The following ATP8B4 variants were observed in gnomAD, a reference collection of about 807,000 sequenced individuals.
The protein encoded by ATP8B4 is probable phospholipid-transporting ATPase IM.
Under a neutral mutation model 145.6 loss-of-function variants are expected in ATP8B4, and 133 were observed. The observed-to-expected ratio is 0.91, with a 90% CI of 0.79 to 1.05. The LOEUF (loss-of-function observed/expected upper bound fraction) is 1.05, where lower values mean the gene tolerates loss of function less well. Among genes scored for constraint, ATP8B4 ranks in the 50% least tolerant of loss-of-function variants. The pLI is 0.00. For missense variants in ATP8B4, 1,458 were observed against 1,425.2 expected (o/e 1.02, Z -0.37); for synonymous variants, 507 against 492.9 (o/e 1.03, Z -0.38).
At chr15:50,069,758 GA>G (rs1345533157) in intron 3 of ATP8B4, among the ~76,000 whole-genome samples, 1 of 151,920 alleles carries the variant, frequency 6.6e-6, no homozygotes, top group African/African-American at 2.4e-5. Flanking sequence ...ATGACATCAT[GA>G]AAAAAAATAT....
chr15:49,910,871 C>T (rs891484319), intron 20 of ATP8B4, among the ~76,000 whole-genome samples: 6 of 152,012 alleles, frequency 3.9e-5, no homozygotes, highest in African/African-American at 1.4e-4. Flanking sequence ...GGGAATTCAA[C>T]ACTACTAGAA....
intron 13 of ATP8B4, among the ~76,000 whole-genome samples, chr15:49,971,851 C>A (rs2045168676): frequency 6.6e-6 from 1 of 152,050 alleles, no homozygotes; most frequent in Admixed American, 6.6e-5. Flanking sequence ...ATTCACAATA[C>A]CAAAGACTTG....
intron 16 of ATP8B4, among the ~76,000 whole-genome samples, chr15:49,927,966 C>A (rs2040878322): frequency 6.6e-6 from 1 of 152,080 alleles, no homozygotes; most frequent in Non-Finnish European, 1.5e-5. Flanking sequence ...GACCAAAAAC[C>A]CTACTGTTAC....
chr15:50,156,077 T>TAA (rs1363537257), intron 1 of ATP8B4, among the ~76,000 whole-genome samples: 2 of 23,364 alleles, frequency 8.6e-5, no homozygotes, highest in South Asian at 9.4e-4. Flanking sequence ...TAAATAAATA[T>TAA]ATATATATAT....
At chr15:50,055,997 T>C (rs1237168637) in intron 3 of ATP8B4, among the ~76,000 whole-genome samples, 1 of 152,038 alleles carries the variant, frequency 6.6e-6, no homozygotes, top group African/African-American at 2.4e-5. Flanking sequence ...ATAGGGGCAA[T>C]GGAAAGACGA....
chr15:49,975,698 T>C (rs2045601294), intron 12 of ATP8B4, among the ~76,000 whole-genome samples: 1 of 152,190 alleles, frequency 6.6e-6, no homozygotes, highest in South Asian at 2.1e-4. Context: ...TTTTTTAATG[T>C]TACTTTCATA....
chr15:49,970,821 C>A lies in ATP8B4; in HGVS notation c.1243+1761G>T, dbSNP rs4617797. Reference sequence around the variant, plus strand: ...AAGAGCCCATATAGCCAAGACAATCCTAAGCAAAAAGAACAAAGCTGGAGG... The same window carrying A: ...AAGAGCCCATATAGCCAAGACAATCATAAGCAAAAAGAACAAAGCTGGAGG... On this transcript the variant is annotated intron_variant, in intron 13 of 27. Transcript: ENST00000284509. 4.1e-3 allele frequency among the ~76,000 whole-genome samples: 621 copies of A among 152,236 alleles called. 7 individuals carry two copies. The highest frequency in any genetic ancestry group is 0.01 in the Middle Eastern group (3 of 294).
At chr15:50,134,307 G>C (rs1304946217) in intron 1 of ATP8B4, among the ~76,000 whole-genome samples, 1 of 152,166 alleles carries the variant, frequency 6.6e-6, no homozygotes. Context: ...ACTATGCAAT[G>C]ATCAGCGCTC....
At chr15:49,872,889 A>G (rs900790858) in intron 25 of ATP8B4, among the ~76,000 whole-genome samples, 4 of 152,198 alleles carry the variant, frequency 2.6e-5, no homozygotes, top group Non-Finnish European at 5.9e-5. Flanking sequence ...GTATTATACC[A>G]ATGCTAATTT....
chr15:50,117,149 A>C (rs1567391703), intron 1 of ATP8B4, among the ~76,000 whole-genome samples: 1 of 152,172 alleles, frequency 6.6e-6, no homozygotes, highest in Non-Finnish European at 1.5e-5. Flanking sequence ...CACACGGTTC[A>C]GGCGATTCTC....
intron 2 of ATP8B4, among the ~76,000 whole-genome samples, chr15:50,090,929 G>C (rs984324611): frequency 5.9e-5 from 9 of 152,010 alleles, no homozygotes; most frequent in African/African-American, 2.2e-4. Context: ...CATGTAAAAA[G>C]TAAATTTACA....
chr15:49,862,454 A>T, intron 26 of ATP8B4, 79 bp from the exon 27 acceptor site: 1 of 1,494,686 alleles, frequency 6.7e-7, no homozygotes, highest in Non-Finnish European at 9.0e-7. Flanking sequence ...TTGTTCCTAC[A>T]AGATCTTTTT....
At position 50,038,799 on chromosome 15, in the gene ATP8B4, T is replaced by G. The variant is rs369023249; in HGVS notation, c.331A>C (p.Asn111His). The G allele has an allele frequency of 1.1e-5, 18 of 1,613,656 alleles. No homozygotes were observed. In the Admixed American group the frequency reaches 1.3e-4, roughly 12 times the overall value. ...FRHKSDNQVN[N>H]RQSEVLINSK... ...TTGATGAGCACTTCAGACTGCCGAT[T>G]ATTCACTTGATTATCACTCTTGTGG... is the stretch of plus-strand genomic sequence containing the variant. The change falls in exon 6 of 28, where the codon AAT (asparagine) becomes CAT (histidine). Residue 111 changes from asparagine to histidine, a missense_variant. Physicochemically the swap from Asn to His is moderately conservative, Grantham distance 68 (BLOSUM62 1). Coordinates refer to ENST00000284509, the MANE Select transcript of ATP8B4 (RefSeq NM_024837.4).
At chr15:49,934,772 G>A (rs1042994744) in intron 14 of ATP8B4, among the ~76,000 whole-genome samples, 2 of 151,968 alleles carry the variant, frequency 1.3e-5, no homozygotes, top group Admixed American at 6.6e-5. Flanking sequence ...CAAAGTTTTC[G>A]ATAAGGAACT....
chr15:50,048,505 C>T (rs776424057), intron 3 of ATP8B4, among the ~76,000 whole-genome samples: 7 of 151,772 alleles, frequency 4.6e-5, no homozygotes, highest in East Asian at 1.9e-4. Flanking sequence ...GTCAGGAGTT[C>T]GAGACCAGCC....
At chr15:50,084,657 A>G (rs2054776562) in intron 2 of ATP8B4, among the ~76,000 whole-genome samples, 1 of 152,190 alleles carries the variant, frequency 6.6e-6, no homozygotes, top group Non-Finnish European at 1.5e-5. Flanking sequence ...AGCAGTCTGA[A>G]AAAGGTCTTA....
rs200930425 is a variant in ATP8B4 at position 49,876,267 on chromosome 15, G to A, written c.3027+11C>T. ...CCCATCAAGTTAAGGTGCTTACACC[G>A]ACAGCGTTACCTGCACACTGACCAC... On this transcript the variant is annotated intron_variant, in intron 25 of 27. Coordinates refer to ENST00000284509, the MANE Select transcript of ATP8B4 (RefSeq NM_024837.4). The A allele has an allele frequency of 1.1e-4, 184 of 1,612,080 alleles. No homozygotes were observed. Among genetic ancestry groups the A allele is most frequent in the Non-Finnish European group, 1.4e-4 (163 of 1,178,838 alleles).
intron 6 of ATP8B4, among the ~76,000 whole-genome samples, chr15:50,028,071 C>A (rs993834947): frequency 1.3e-5 from 2 of 152,180 alleles, no homozygotes. Context: ...TTCAGTATCA[C>A]TCTCAATTAT....
intron 3 of ATP8B4, among the ~76,000 whole-genome samples, chr15:50,073,388 A>C (rs553652222): frequency 6.6e-6 from 1 of 152,156 alleles, no homozygotes; most frequent in African/African-American, 2.4e-5. Flanking sequence ...TTCCAACTTC[A>C]TCCACATCCT....
Sources: gnomAD v4.1 joint callset for allele counts (sites outside exome capture counted in the v4.1 genomes callset) on GRCh38, gnomAD v4.1.1 for gene constraint, MANE v1.5 for transcripts, NCBI Gene and HGNC (gene_info 2026-07-23, HGNC 2026-07-21) for gene names.